ANKRD33B: variants seen among roughly 807,000 people sequenced by gnomAD.
The protein encoded by ANKRD33B is ankyrin repeat domain-containing protein 33B.
In ANKRD33B, 6 loss-of-function variants were observed where a neutral mutation model predicts 21.5. That is an observed-to-expected ratio of 0.28 (90% CI 0.15 to 0.55). ANKRD33B has a LOEUF of 0.55. Ranked by LOEUF, ANKRD33B falls within the 20% of genes least tolerant of loss-of-function variation. The pLI, the probability that ANKRD33B is intolerant of heterozygous loss-of-function variation, is 0.94. For synonymous variants in ANKRD33B, 347 were observed against 342.4 expected, an observed-to-expected ratio of 1.01 and a Z score of -0.15; for missense variants, 698 against 747.2, an observed-to-expected ratio of 0.93 and a Z score of 0.77.
In ANKRD33B at chr5:10,647,247, GGTGC is replaced by G. The variant is rs553660686; in HGVS notation, c.638-2018_638-2015del. On this transcript the variant is annotated intron_variant, in intron 3 of 3. Transcript: ENST00000296657. ...AGCCTCCTGAGTAGTTGGGATTACA[GGTGC>G]CTGCCACCACGCCCAGCTAATTTTT... 1.7e-3 allele frequency among the ~76,000 whole-genome samples: 252 copies of G among 152,226 alleles called. 4 individuals are homozygous for G. The highest frequency in any genetic ancestry group is 0.016 in the Admixed American group (247 of 15,300).
At chr5:10,630,403 C>T (rs1657382576) in intron 2 of ANKRD33B, among the ~76,000 whole-genome samples, 1 of 152,196 alleles carries the variant, frequency 6.6e-6, no homozygotes, top group South Asian at 2.1e-4. Flanking sequence ...ACATTTCAAC[C>T]TTCTGCTTCC....
At position 10,564,731 on chromosome 5, in the gene ANKRD33B, C is replaced by G; in HGVS notation, c.264C>G (p.Thr88=). The G allele has an allele frequency of 6.5e-7, 1 of 1,532,604 alleles. No homozygotes were observed. The highest frequency in any genetic ancestry group is 1.2e-5 in the South Asian group (1 of 83,922). 94.9% of individuals were successfully genotyped at this position (1,532,604 alleles called of 1,614,324 possible). ...GVPESVPETA[T]LLRAACANNV... is the part of the protein sequence containing the mutation. ...CGGAAAGCGTCCCGGAGACGGCGAC[C>G]CTCCTGCGCGCCGCCTGCGCCAACA... Residue 88 remains threonine (T), a synonymous_variant, in exon 1 of 4, where the codon ACC becomes ACG. Coordinates refer to ENST00000296657, the MANE Select transcript of ANKRD33B (RefSeq NM_001164440.2).
chr5:10,573,322 G>C (rs1377770561), intron 1 of ANKRD33B, among the ~76,000 whole-genome samples: 1 of 152,016 alleles, frequency 6.6e-6, no homozygotes, highest in African/African-American at 2.4e-5. Context: ...CAAAAAATTA[G>C]CTCGGTGTAG....
chr5:10,586,011 G>A (rs773998265), intron 1 of ANKRD33B, among the ~76,000 whole-genome samples: 2 of 152,170 alleles, frequency 1.3e-5, no homozygotes, highest in Non-Finnish European at 2.9e-5. Flanking sequence ...GGACCCAACA[G>A]GCAGCAACAT....
At position 10,618,334 on chromosome 5, in the gene ANKRD33B, C is replaced by T. The variant is rs1182433427; in HGVS notation, c.368C>T (p.Thr123Ile). 11 of 1,537,018 alleles carry T rather than the reference C, an allele frequency of 7.2e-6. No individual in the cohort carries two copies. The South Asian group carries it at 1.1e-4, about 15-fold the overall frequency. Residue 123 changes from threonine (T) to isoleucine (I), a missense_variant and splice_region_variant, in exon 2 of 4, where the codon ACC (threonine) becomes ATC (isoleucine). By Grantham distance (89) the Thr-to-Ile change is moderately conservative (BLOSUM62 -1). Around this residue, in one of 3 missense-constraint regions of ANKRD33B, gnomAD observed 543 missense variants for 566.5 expected, o/e 0.96. Coordinates refer to ENST00000296657, the MANE Select transcript of ANKRD33B (RefSeq NM_001164440.2). ...EAQETDRNGRTGLIVACYHGF... is the reference protein window; with the variant it reads ...EAQETDRNGRIGLIVACYHGF... ...CCCGCTTCCCCTCTTCATTTCTAGACCGGCCTTATTGTCGCCTGCTACCAC... is the reference window on the plus strand; with the variant it reads ...CCCGCTTCCCCTCTTCATTTCTAGATCGGCCTTATTGTCGCCTGCTACCAC...
chr5:10,599,310 T>G (rs576867014), intron 1 of ANKRD33B, among the ~76,000 whole-genome samples: 1 of 152,336 alleles, frequency 6.6e-6, no homozygotes, highest in African/African-American at 2.4e-5. Flanking sequence ...CTTGATAGTT[T>G]GGGGCATATT....
rs146681782 is a variant in ANKRD33B, at chr5:10,588,702, A to G, written c.366+23869A>G. Among the ~76,000 whole-genome samples the G allele has an allele frequency of 6.2e-3, 950 of 152,178 alleles. 3 individuals carry two copies. The highest frequency in any genetic ancestry group is 9.8e-3 in the Non-Finnish European group (666 of 67,998). ...TTTCCCCTCTTCCGGGCAACCCACA[A>G]TTTTCCAGGTAGAGTTTTCTCCATC... On this transcript the variant is annotated intron_variant, in intron 1 of 3. Coordinates refer to ENST00000296657, the MANE Select transcript of ANKRD33B (RefSeq NM_001164440.2).
chr5:10,637,042 A>G (rs1425511730), intron 2 of ANKRD33B, among the ~76,000 whole-genome samples: 2 of 152,158 alleles, frequency 1.3e-5, no homozygotes, highest in East Asian at 3.9e-4. Context: ...CCCTGTGCCG[A>G]CTGTGCCAAG....
intron 1 of ANKRD33B, among the ~76,000 whole-genome samples, chr5:10,588,753 A>G (rs1735619613): frequency 6.6e-6 from 1 of 152,236 alleles, no homozygotes. Flanking sequence ...AGGGAAAACA[A>G]TGTGGAAAAA....
At chr5:10,566,500 C>G (rs906890414) in intron 1 of ANKRD33B, among the ~76,000 whole-genome samples, 6 of 152,240 alleles carry the variant, frequency 3.9e-5, no homozygotes, top group African/African-American at 1.4e-4. Context: ...GCCTCTCCCC[C>G]TGTCCTGGGC....
chr5:10,590,622 G>A (rs1457400765), intron 1 of ANKRD33B, among the ~76,000 whole-genome samples: 1 of 151,944 alleles, frequency 6.6e-6, no homozygotes, highest in African/African-American at 2.4e-5. Flanking sequence ...GTGTGTGTGT[G>A]TGTGTTTTCA....
At chr5:10,575,537 A>G (rs941416224) in intron 1 of ANKRD33B, among the ~76,000 whole-genome samples, 2 of 152,144 alleles carry the variant, frequency 1.3e-5, no homozygotes, top group African/African-American at 4.8e-5. Flanking sequence ...AGCTAGAGCT[A>G]AGGGTAAATA....
At chr5:10,628,608 C>T (rs1736634712) in intron 2 of ANKRD33B, among the ~76,000 whole-genome samples, 1 of 152,214 alleles carries the variant, frequency 6.6e-6, no homozygotes, top group Admixed American at 6.5e-5. Context: ...GGCCTCTCTG[C>T]TGGGATTACA....
intron 1 of ANKRD33B, 80 bp from the exon 2 acceptor site, chr5:10,618,253 G>A (rs1184527833): frequency 8.6e-6 from 13 of 1,520,434 alleles, no homozygotes; most frequent in Admixed American, 5.9e-5. Flanking sequence ...GAGGGTAGTG[G>A]GTGCCCCTCG....
chr5:10,601,415 G>A (rs749510453), intron 1 of ANKRD33B, among the ~76,000 whole-genome samples: 17 of 152,132 alleles, frequency 1.1e-4, no homozygotes, highest in South Asian at 2.1e-4. Flanking sequence ...CATCCCTGGC[G>A]CTGCGGACCT....
chr5:10,577,317 A>C (rs1735345795), intron 1 of ANKRD33B, among the ~76,000 whole-genome samples: 1 of 152,136 alleles, frequency 6.6e-6, no homozygotes, highest in African/African-American at 2.4e-5. Context: ...TTCAGTAGAG[A>C]CAGGGTTTCA....
intron 3 of ANKRD33B, among the ~76,000 whole-genome samples, chr5:10,648,713 T>C (rs12716074): frequency 0.29 from 44,468 of 151,854 alleles, 6,466 homozygotes; most frequent in Non-Finnish European, 0.31. Flanking sequence ...GAACGGAGAT[T>C]GTGCCATTGC....
chr5:10,627,435 C>T (rs1012122346), intron 2 of ANKRD33B: 1 of 152,202 alleles, frequency 6.6e-6, no homozygotes, highest in Non-Finnish European at 1.5e-5. Flanking sequence ...TTATTTCTTG[C>T]ATTTAATTGT....
At chr5:10,609,668 G>T (rs1327112358) in intron 1 of ANKRD33B, among the ~76,000 whole-genome samples, 1 of 152,214 alleles carries the variant, frequency 6.6e-6, no homozygotes, top group Non-Finnish European at 1.5e-5. Flanking sequence ...CAGCACTTTG[G>T]GAGGCTGAGG....
Sources: gnomAD v4.1 joint callset for allele counts (sites outside exome capture counted in the v4.1 genomes callset) on GRCh38, gnomAD v4.1.1 for gene constraint, gnomAD v4.1.1 regional missense constraint, MANE v1.5 for transcripts, NCBI Gene and HGNC (gene_info 2026-07-23, HGNC 2026-07-21) for gene names.